TMEM260: variants seen among roughly 807,000 people sequenced by gnomAD.
TMEM260 encodes transmembrane protein 260.
Under a neutral mutation model 88.9 loss-of-function variants are expected in TMEM260, and 82 were observed. That is an observed-to-expected ratio of 0.92 (90% CI 0.77 to 1.11). The LOEUF is 1.11. TMEM260 is among the 50% of genes least tolerant of loss of function. TMEM260 has a pLI of 0.00. For missense variants in TMEM260, 902 were observed against 853.4 expected (o/e 1.06, Z -0.71); for synonymous variants, 314 against 309.3 (o/e 1.02, Z -0.16).
At chr14:56,628,595 ATTGTAT>A (rs1888381587) in intron 12 of TMEM260, among the ~76,000 whole-genome samples, 1 of 151,872 alleles carries the variant, frequency 6.6e-6, no homozygotes, top group Non-Finnish European at 1.5e-5. Flanking sequence ...TCTTCATTGC[ATTGTAT>A]TTGTACTTTT....
chr14:56,585,927 T>G lies in TMEM260; in HGVS notation c.344+15T>G. The G allele has an allele frequency of 6.2e-7, 1 of 1,609,152 alleles. No individual in the cohort carries two copies. Among genetic ancestry groups the G allele is most frequent in the Non-Finnish European group, 8.5e-7 (1 of 1,178,186 alleles). On this transcript the variant is annotated intron_variant, in intron 3 of 15. Transcript: ENST00000261556. Reference sequence around the variant, plus strand: ...ACCGTTTTCAGGTAAAGTAGTTGATTAGTTAAAATTAATTTTGAGCAGTTG... The same window carrying G: ...ACCGTTTTCAGGTAAAGTAGTTGATGAGTTAAAATTAATTTTGAGCAGTTG...
intron 15 of TMEM260, among the ~76,000 whole-genome samples, chr14:56,640,006 C>A (rs1889449941): frequency 6.6e-6 from 1 of 152,192 alleles, no homozygotes; most frequent in African/African-American, 2.4e-5. Flanking sequence ...TGGGTAGAGC[C>A]CACCACAGCT....
intron 3 of TMEM260, among the ~76,000 whole-genome samples, chr14:56,600,156 A>G (rs891338541): frequency 1.3e-5 from 2 of 152,202 alleles, no homozygotes; most frequent in Admixed American, 6.6e-5. Flanking sequence ...GGCTTATCAC[A>G]TATAGATTAT....
chr14:56,645,631 C>G (rs1181244234), intron 15 of TMEM260, among the ~76,000 whole-genome samples: 2 of 74,078 alleles, frequency 2.7e-5, no homozygotes, highest in African/African-American at 5.7e-5. Flanking sequence ...TACCCTAAAA[C>G]TTAAAGTATA....
chr14:56,591,181 G>A (rs1885833855), intron 3 of TMEM260, among the ~76,000 whole-genome samples: 1 of 152,126 alleles, frequency 6.6e-6, no homozygotes, highest in African/African-American at 2.4e-5. Flanking sequence ...CTAGTCATCA[G>A]TTATTATGGT....
At chr14:56,593,677 C>CTTTTTTTTTT (rs34268894) in intron 3 of TMEM260, among the ~76,000 whole-genome samples, 1 of 63,506 alleles carries the variant, frequency 1.6e-5, no homozygotes, top group African/African-American at 5.4e-5. Context: ...AGGTGAGTGT[C>CTTTTTTTTTT]TTTTTTTTTT....
At chr14:56,619,417 C>T (rs1019630973) in intron 10 of TMEM260, 1 of 152,136 alleles carries the variant, frequency 6.6e-6, no homozygotes, top group Non-Finnish European at 1.5e-5. Flanking sequence ...AAGCAAGCCT[C>T]CCTCTTCAGC....
chr14:56,585,636 A>T, intron 2 of TMEM260, 125 bp from the exon 3 acceptor site: 1 of 875,348 alleles, frequency 1.1e-6, no homozygotes, highest in Non-Finnish European at 1.8e-6. Flanking sequence ...CCACTATTCA[A>T]ACATTTAGTC....
At chr14:56,598,601 T>C (rs10483671) in intron 3 of TMEM260, among the ~76,000 whole-genome samples, 7,170 of 152,296 alleles carry the variant, frequency 0.047, 229 homozygotes, top group Non-Finnish European at 0.068. Flanking sequence ...ATAGGAAATA[T>C]GACTTGAGCA....
chr14:56,596,447 T>G (rs1268723589), intron 3 of TMEM260, among the ~76,000 whole-genome samples: 1 of 147,292 alleles, frequency 6.8e-6, no homozygotes, highest in Admixed American at 6.8e-5. Flanking sequence ...CATATACATA[T>G]ATATAGAGAG....
intron 14 of TMEM260, 66 bp downstream of exon 14, chr14:56,635,018 CTTTTAA>C (rs1409335453): frequency 2.9e-5 from 42 of 1,443,184 alleles, no homozygotes; most frequent in Non-Finnish European, 3.6e-5. Flanking sequence ...GCTTATGGCA[CTTTTAA>C]TTTTGAGAGT....
In TMEM260 at chr14:56,605,620, C is replaced by A. The variant is rs3737170; in HGVS notation, c.573C>A (p.His191Gln). 1.3e-6 allele frequency: 2 copies of A among 1,582,802 alleles called. No homozygotes were observed. The highest frequency in any genetic ancestry group is 1.7e-6 in the Non-Finnish European group (2 of 1,166,252). Residue 191 changes from histidine (H) to glutamine (Q), a missense_variant, in exon 5 of 16, where the codon CAC becomes CAA. Transcript: ENST00000261556. ...FCCGLSLCNQ[H>Q]TIILYVLCII... ...GTGGCCTTAGTTTATGTAACCAGCA[C>A]ACAATAATACTCTATGTTTTGTGCA...
At chr14:56,623,446 A>G (rs553233423) in intron 11 of TMEM260, among the ~76,000 whole-genome samples, 42 of 152,296 alleles carry the variant, frequency 2.8e-4, no homozygotes, top group Admixed American at 2.4e-3. Flanking sequence ...GCCCCCCAGC[A>G]GACCTCCACT....
chr14:56,643,040 A>C (rs1255739727), intron 15 of TMEM260, among the ~76,000 whole-genome samples: 4 of 152,202 alleles, frequency 2.6e-5, no homozygotes, highest in Non-Finnish European at 5.9e-5. Flanking sequence ...CAACCAAAAA[A>C]AGTCCAGGAC....
the TMEM260 span, among the ~76,000 whole-genome samples, chr14:56,662,746 A>G: frequency 3.3e-5 from 5 of 152,322 alleles, no homozygotes; most frequent in East Asian, 9.6e-4. Context: ...TGGCCGAACT[A>G]CGCTCACATC....
downstream of TMEM260, among the ~76,000 whole-genome samples, chr14:56,655,004 GTAA>G (rs1321775215): frequency 2.0e-5 from 3 of 152,060 alleles, no homozygotes; most frequent in Non-Finnish European, 4.4e-5. Context: ...AGTAAAAATA[GTAA>G]TAATAGCTGT....
chr14:56,587,201 C>T (rs1174409099), intron 3 of TMEM260, among the ~76,000 whole-genome samples: 1 of 151,712 alleles, frequency 6.6e-6, no homozygotes, highest in African/African-American at 2.4e-5. Context: ...TCACAAGATA[C>T]TTTAGAACAA....
At chr14:56,646,446 A>G (rs1320483947) in intron 15 of TMEM260, among the ~76,000 whole-genome samples, 3 of 152,236 alleles carry the variant, frequency 2.0e-5, no homozygotes, top group Non-Finnish European at 4.4e-5. Flanking sequence ...GAGATTCCCA[A>G]GTAAGCAACT....
At chr14:56,634,687 C>A (rs1594882928) in intron 13 of TMEM260, among the ~76,000 whole-genome samples, 1 of 151,940 alleles carries the variant, frequency 6.6e-6, no homozygotes, top group Non-Finnish European at 1.5e-5. Flanking sequence ...ACGAAAAATA[C>A]AAAAATGAGC....
Sources: allele counts gnomAD v4.1 joint callset (sites outside exome capture counted in the v4.1 genomes callset), GRCh38; gene constraint gnomAD v4.1.1; transcripts MANE v1.5; gene names NCBI Gene and HGNC (gene_info 2026-07-23, HGNC 2026-07-21).